SLC2A7: variants seen among roughly 807,000 people sequenced by gnomAD.
The protein encoded by SLC2A7 is solute carrier family 2, facilitated glucose transporter member 7.
SLC2A7 carries 50 observed loss-of-function variants against 50.5 expected under a neutral mutation model. The observed-to-expected ratio is 0.99, with a 90% CI of 0.79 to 1.25. The LOEUF is 1.25. Among genes scored for constraint, SLC2A7 ranks in the 50% most tolerant of loss-of-function variants. The pLI is 0.00. For missense variants in SLC2A7, 683 were observed against 679.1 expected (o/e 1.01, Z -0.06); for synonymous variants, 308 against 300.4 (o/e 1.03, Z -0.26).
chr1:9,026,329 G>T lies in SLC2A7; in HGVS notation c.17C>A (p.Ala6Glu). The stretch of plus-strand genomic sequence containing the variant: ...GGATGGAATGGGTGGAGGGGTTCCC[G>T]CCTCTTTGTTCTCCATCCTTGTTCA... MENKE[A>E]GTPPPIPSRE... The change falls in exon 1 of 12, where the codon GCG (alanine) becomes GAG (glutamate). Residue 6 changes from alanine to glutamate, a missense_variant. Coordinates refer to ENST00000400906, the MANE Select transcript of SLC2A7 (RefSeq NM_207420.3). 1.2e-6 allele frequency: 2 copies of T among 1,608,800 alleles called. No homozygotes were observed. The highest frequency in any genetic ancestry group is 1.7e-5 in the Admixed American group (1 of 59,398).
intron 1 of SLC2A7, among the ~76,000 whole-genome samples, 165 bp downstream of exon 1, chr1:9,026,130 A>G (rs1569814923): frequency 6.6e-6 from 1 of 152,220 alleles, no homozygotes; most frequent in Non-Finnish European, 1.5e-5. Flanking sequence ...AGGTTTGAGC[A>G]TAGCTGCTTC....
the SLC2A7 span, among the ~76,000 whole-genome samples, chr1:8,995,471 G>A: frequency 1.3e-5 from 2 of 151,504 alleles, no homozygotes; most frequent in African/African-American, 4.8e-5. Flanking sequence ...AAATGGCCAG[G>A]CACGGTGGCC....
chr1:9,023,467 C>T (rs1168591283), intron 2 of SLC2A7, among the ~76,000 whole-genome samples: 2 of 151,986 alleles, frequency 1.3e-5, no homozygotes, highest in African/African-American at 2.4e-5. Flanking sequence ...ATTAGCTGGG[C>T]GTGGTGGCGG....
chr1:9,023,117 G>A, intron 2 of SLC2A7, 39 bp from the exon 3 acceptor site: 1 of 1,596,032 alleles, frequency 6.3e-7, no homozygotes, highest in Admixed American at 1.7e-5. Context: ...AGAATATTGG[G>A]CAGTTCATGA....
At chr1:9,001,713 C>T (rs572568287), downstream of SLC2A7, among the ~76,000 whole-genome samples, 10 of 152,070 alleles carry the variant, frequency 6.6e-5, no homozygotes, top group Non-Finnish European at 1.2e-4. Context: ...TCACCACGCC[C>T]GGCACTGCAC....
At chr1:9,000,189 G>A (rs1245178539), downstream of SLC2A7, among the ~76,000 whole-genome samples, 1 of 152,138 alleles carries the variant, frequency 6.6e-6, no homozygotes, top group Non-Finnish European at 1.5e-5. Flanking sequence ...AGGTGCGGGG[G>A]CTGACTCCTG....
chr1:9,007,041 C>T (rs1185252918), intron 10 of SLC2A7, among the ~76,000 whole-genome samples: 1 of 152,212 alleles, frequency 6.6e-6, no homozygotes, highest in African/African-American at 2.4e-5. Context: ...TGCAAAAGCT[C>T]ATGTCCTTGT....
At chr1:8,993,449 AAAAC>A in the SLC2A7 span, among the ~76,000 whole-genome samples, 7 of 152,168 alleles carry the variant, frequency 4.6e-5, no homozygotes, top group Non-Finnish European at 8.8e-5. Context: ...AAAGGGCATA[AAAAC>A]AAACAAACAA....
At chr1:9,026,035 C>T (rs904237259) in intron 1 of SLC2A7, among the ~76,000 whole-genome samples, 1 of 152,186 alleles carries the variant, frequency 6.6e-6, no homozygotes, top group African/African-American at 2.4e-5. Flanking sequence ...CGGAGGGGAG[C>T]AGGGGTGGAA....
At chr1:9,004,507 C>T (rs1245407151) in intron 11 of SLC2A7, among the ~76,000 whole-genome samples, 2 of 151,994 alleles carry the variant, frequency 1.3e-5, no homozygotes, top group Admixed American at 1.3e-4. Context: ...CTTTGAGCTC[C>T]GCGGACCAGA....
At chr1:9,025,258 G>T (rs1024143487) in intron 1 of SLC2A7, among the ~76,000 whole-genome samples, 184 bp from the exon 2 acceptor site, 1 of 152,180 alleles carries the variant, frequency 6.6e-6, no homozygotes, top group Non-Finnish European at 1.5e-5. Context: ...GTCTCTGCAC[G>T]CATTCATTCC....
chr1:8,999,948 A>C, downstream of SLC2A7, among the ~76,000 whole-genome samples: 1 of 152,200 alleles, frequency 6.6e-6, no homozygotes, highest in South Asian at 2.1e-4. Context: ...GCAGCCATGA[A>C]GATGAACCCT....
chr1:9,001,538 C>A (rs147673768), downstream of SLC2A7, among the ~76,000 whole-genome samples: 15 of 151,822 alleles, frequency 9.9e-5, no homozygotes, highest in East Asian at 2.7e-3. Context: ...CCTGCCTCAG[C>A]CTCCCAAGCA....
chr1:9,022,399 G>C (rs917676177), intron 3 of SLC2A7, among the ~76,000 whole-genome samples: 1 of 152,114 alleles, frequency 6.6e-6, no homozygotes, highest in Non-Finnish European at 1.5e-5. Flanking sequence ...TAGTGAATCT[G>C]TGTAAGCCAA....
At chr1:9,014,650 T>C in intron 7 of SLC2A7, 31 bp downstream of exon 7, 1 of 1,549,708 alleles carries the variant, frequency 6.5e-7, no homozygotes, top group Admixed American at 2.0e-5. Flanking sequence ...CTGCTTCATC[T>C]GTCTCCCTGC....
At chr1:9,007,839 A>G (rs1028135723) in intron 9 of SLC2A7, among the ~76,000 whole-genome samples, 6 of 151,794 alleles carry the variant, frequency 4.0e-5, no homozygotes, top group African/African-American at 1.5e-4. Context: ...CCCGGGTTCA[A>G]GATTCCCCTG....
chr1:9,014,730 A>T lies in SLC2A7; in HGVS notation c.854T>A (p.Leu285His). The change falls in exon 7 of 12, where the codon CTC becomes CAC. Residue 285 changes from leucine (L) to histidine (H), a missense_variant. By Grantham distance (99) the Leu-to-His change is moderately conservative. Transcript: ENST00000400906. ...GCCGGCCATGAGCACGATGATGGAG[A>T]GGAGCTGCCAGCGCAGGGACCGCAG... The part of the protein sequence containing the change: ...CALRSLRWQL[L>H]SIIVLMAGQQ... 1 of 1,572,378 alleles carries T rather than the reference A, an allele frequency of 6.4e-7. No individual in the cohort carries two copies. Among genetic ancestry groups the T allele is most frequent in the Non-Finnish European group, 8.6e-7 (1 of 1,159,080 alleles).
intron 8 of SLC2A7, among the ~76,000 whole-genome samples, chr1:9,010,752 C>T (rs1640737162): frequency 6.6e-6 from 1 of 152,226 alleles, no homozygotes; most frequent in African/African-American, 2.4e-5. Flanking sequence ...CACCACCACC[C>T]TTCCTTGTTC....
At chr1:8,994,242 C>G in the SLC2A7 span, among the ~76,000 whole-genome samples, 140 of 152,340 alleles carry the variant, frequency 9.2e-4, no homozygotes, top group Middle Eastern at 3.4e-3. Flanking sequence ...CACGCTTTGC[C>G]CTCCTGGGAA....
Sources: allele counts gnomAD v4.1 joint callset (sites outside exome capture counted in the v4.1 genomes callset), GRCh38; gene constraint gnomAD v4.1.1; transcripts MANE v1.5; gene names NCBI Gene and HGNC (gene_info 2026-07-23, HGNC 2026-07-21).